The following FBXL7 variants were observed in gnomAD, a reference collection of about 807,000 sequenced individuals.
The protein encoded by FBXL7 is F-box and leucine rich repeat protein 7, also known as F-box/LRR-repeat protein 7.
FBXL7 carries 12 observed loss-of-function variants against 38.3 expected under a neutral mutation model. The observed-to-expected ratio is 0.31, with a 90% CI of 0.20 to 0.51. The LOEUF (loss-of-function observed/expected upper bound fraction) is 0.51, where lower values mean the gene tolerates loss of function less well. Among genes scored for constraint, FBXL7 ranks in the 20% least tolerant of loss-of-function variants. The pLI, the probability that FBXL7 is intolerant of heterozygous loss-of-function variation, is 0.98. For missense variants in FBXL7, 567 were observed against 676.4 expected, an observed-to-expected ratio of 0.84 and a Z score of 1.79; for synonymous variants, 297 against 300.9, an observed-to-expected ratio of 0.99 and a Z score of 0.13.
At chr5:15,649,697 CTTTT>C (rs34675600) in intron 2 of FBXL7, among the ~76,000 whole-genome samples, 2 of 146,302 alleles carry the variant, frequency 1.4e-5, no homozygotes, top group Non-Finnish European at 3.0e-5. Flanking sequence ...TCTTTCTTTT[CTTTT>C]TTTTTTTTGT....
At chr5:15,653,315 T>C (rs1419484276) in intron 2 of FBXL7, among the ~76,000 whole-genome samples, 1 of 152,190 alleles carries the variant, frequency 6.6e-6, no homozygotes. Context: ...AAGAATGCAG[T>C]ATTTATGAGG....
At chr5:15,731,175 C>T (rs1735572965) in intron 2 of FBXL7, among the ~76,000 whole-genome samples, 1 of 152,090 alleles carries the variant, frequency 6.6e-6, no homozygotes, top group Non-Finnish European at 1.5e-5. Flanking sequence ...GAGGAAGGAT[C>T]CTCAAGGGCT....
At chr5:15,530,827 G>A (rs1057283590) in intron 1 of FBXL7, among the ~76,000 whole-genome samples, 1 of 152,220 alleles carries the variant, frequency 6.6e-6, no homozygotes, top group African/African-American at 2.4e-5. Context: ...TTTGGGGCCA[G>A]CTGGGGAAGC....
rs200480993 is a variant in FBXL7 at position 15,830,483 on chromosome 5, AAAAC to A, written c.128-97405_128-97402del. Among the ~76,000 whole-genome samples, 89 of 34,208 alleles carry A rather than the reference AAAAC, an allele frequency of 2.6e-3. 1 individual carries two copies. Among genetic ancestry groups the A allele is most frequent in the Middle Eastern group, 0.02 (1 of 50 alleles). The allele number at this position is 34,208 out of a possible 152,430, so 22.4% of individuals were successfully genotyped here. The stretch of plus-strand genomic sequence containing the variant: ...TGGGCGACAGAGTGAGACTCCATCT[AAAAC>A]ACACACACACACACACACACACACA... On this transcript the variant is annotated intron_variant, in intron 2 of 3. Coordinates refer to ENST00000504595, the MANE Select transcript of FBXL7 (RefSeq NM_012304.5).
intron 1 of FBXL7, among the ~76,000 whole-genome samples, chr5:15,513,192 A>G (rs1373195923): frequency 6.6e-6 from 1 of 152,230 alleles, no homozygotes; most frequent in African/African-American, 2.4e-5. Context: ...ATTTATGGAC[A>G]TGCACACATA....
At chr5:15,792,293 C>T (rs1211563797) in intron 2 of FBXL7, among the ~76,000 whole-genome samples, 1 of 152,152 alleles carries the variant, frequency 6.6e-6, no homozygotes. Flanking sequence ...TTTCACATTA[C>T]TTGTCCTTTC....
chr5:15,512,507 C>T (rs1016013369), intron 1 of FBXL7, among the ~76,000 whole-genome samples: 6 of 152,098 alleles, frequency 3.9e-5, no homozygotes, highest in East Asian at 1.9e-4. Flanking sequence ...TATGAATAGC[C>T]GTGTCATATT....
intron 2 of FBXL7, among the ~76,000 whole-genome samples, chr5:15,857,153 C>A (rs920725272): frequency 6.6e-6 from 1 of 152,126 alleles, no homozygotes; most frequent in African/African-American, 2.4e-5. Context: ...TTCATCCCAC[C>A]TCAATTTTAC....
Position 15,928,576 on chromosome 5 carries a change from C to T in FBXL7, c.739+75C>T. 1.3e-6 allele frequency: 2 copies of T among 1,515,948 alleles called. No homozygotes were observed. The highest frequency in any genetic ancestry group is 1.8e-6 in the Non-Finnish European group (2 of 1,131,854). 93.9% of individuals were successfully genotyped at this position (1,515,948 alleles called of 1,614,324 possible). On this transcript the variant is annotated intron_variant, in intron 3 of 3. Coordinates refer to ENST00000504595, the MANE Select transcript of FBXL7 (RefSeq NM_012304.5). This position sits in a 1 kb window ranked among gnomAD's most constrained non-coding sequence, Gnocchi z 4.0. ...TAAAACAGTGGGGACAGTGCCACCA[C>T]CGGAGGGTCCTCTTCTTGCAAGCCA...
At chr5:15,683,876 T>A (rs1333560065) in intron 2 of FBXL7, among the ~76,000 whole-genome samples, 1 of 152,170 alleles carries the variant, frequency 6.6e-6, no homozygotes, top group East Asian at 1.9e-4. Flanking sequence ...CCCTATATGT[T>A]TGGATTCCTT....
At chr5:15,672,165 T>A (rs1479390482) in intron 2 of FBXL7, among the ~76,000 whole-genome samples, 1 of 152,188 alleles carries the variant, frequency 6.6e-6, no homozygotes, top group Non-Finnish European at 1.5e-5. Flanking sequence ...GCCATGGCAC[T>A]TACTCTCTGT....
At position 15,575,337 on chromosome 5, in the gene FBXL7, T is replaced by C. The variant is rs547340135; in HGVS notation, c.38-40646T>C. Among the ~76,000 whole-genome samples, 479 of 152,362 alleles carry C rather than the reference T, an allele frequency of 3.1e-3. 5 individuals are homozygous for C. The highest frequency in any genetic ancestry group is 0.01 in the African/African-American group (434 of 41,584). On this transcript the variant is annotated intron_variant, in intron 1 of 3. Transcript: ENST00000504595. Reference sequence around the variant, plus strand: ...ATTTACTTTTATCATTTGTGTTTGCTTGCTTTGTTTTTTTCCTGTAAATGT... The same window carrying C: ...ATTTACTTTTATCATTTGTGTTTGCCTGCTTTGTTTTTTTCCTGTAAATGT...
chr5:15,844,375 G>C (rs964795338), intron 2 of FBXL7, among the ~76,000 whole-genome samples: 2 of 152,166 alleles, frequency 1.3e-5, no homozygotes, highest in African/African-American at 2.4e-5. Context: ...AGTTGGGCTT[G>C]AGTGGCTCCA....
chr5:15,648,087 A>T (rs1348756838), intron 2 of FBXL7, among the ~76,000 whole-genome samples: 2 of 152,232 alleles, frequency 1.3e-5, no homozygotes, highest in Non-Finnish European at 2.9e-5. Context: ...CATGAGGTGG[A>T]TAGAATGAAT....
At chr5:15,799,642 G>A (rs1045864131) in intron 2 of FBXL7, among the ~76,000 whole-genome samples, 3 of 152,098 alleles carry the variant, frequency 2.0e-5, no homozygotes, top group Non-Finnish European at 2.9e-5. Flanking sequence ...GATTACAGGC[G>A]TGAGCCACCA....
At chr5:15,728,420 T>G (rs370740007) in intron 2 of FBXL7, among the ~76,000 whole-genome samples, 16 of 152,270 alleles carry the variant, frequency 1.1e-4, no homozygotes, top group African/African-American at 3.6e-4. Flanking sequence ...ATGTCCAATA[T>G]TTTGATTCCA....
In FBXL7 at chr5:15,707,174, GTTTTTTTTTT is replaced by G. The variant is rs71603796; in HGVS notation, c.127+91116_127+91125del. ...AGGTAGTGTTTCTTTTTTTCTTTTCGTTTTTTTTTTTTTTTTTTTTTTTGCAAAGTGAAAG... is the reference window on the plus strand; with the variant it reads ...AGGTAGTGTTTCTTTTTTTCTTTTCGTTTTTTTTTTTTTGCAAAGTGAAAG... On this transcript the variant is annotated intron_variant, in intron 2 of 3. Transcript: ENST00000504595. Among the ~76,000 whole-genome samples, 505 of 70,444 alleles carry G rather than the reference GTTTTTTTTTT, an allele frequency of 7.2e-3. 7 individuals carry two copies. Among genetic ancestry groups the G allele is most frequent in the African/African-American group, 0.027 (465 of 17,168 alleles). The allele number at this position is 70,444 out of a possible 152,430, so 46.2% of individuals were successfully genotyped here.
intron 2 of FBXL7, among the ~76,000 whole-genome samples, chr5:15,672,802 G>A (rs1408338836): frequency 5.3e-5 from 8 of 151,842 alleles, no homozygotes; most frequent in Non-Finnish European, 7.4e-5. Flanking sequence ...TGATCCTCCC[G>A]CCTTGGCCTC....
chr5:15,702,568 T>C (rs1743561476), intron 2 of FBXL7, among the ~76,000 whole-genome samples: 1 of 152,176 alleles, frequency 6.6e-6, no homozygotes, highest in South Asian at 2.1e-4. Context: ...TATTGAACAA[T>C]ATATTTTTTC....
Sources: allele counts gnomAD v4.1 joint callset (sites outside exome capture counted in the v4.1 genomes callset), GRCh38; gene constraint gnomAD v4.1.1; non-coding constraint Gnocchi (gnomAD v3.1); transcripts MANE v1.5; gene names NCBI Gene and HGNC (gene_info 2026-07-23, HGNC 2026-07-21).